The following CDH13 variants were observed in gnomAD, a reference collection of about 807,000 sequenced individuals.
The protein encoded by CDH13 is cadherin-13.
A neutral mutation model predicts 63.8 loss-of-function variants in CDH13; 24 were observed. The observed-to-expected ratio is 0.38, with a 90% CI of 0.27 to 0.53. The LOEUF (loss-of-function observed/expected upper bound fraction) is 0.53. Ranked by LOEUF, CDH13 falls within the 20% of genes least tolerant of loss-of-function variation. CDH13 has a pLI of 0.85. For synonymous variants in CDH13, 503 were observed against 355.3 expected (o/e 1.42, Z -4.67); for missense variants, 1,049 against 903.1 (o/e 1.16, Z -2.07).
In CDH13 at chr16:83,566,099, G is replaced by C. The variant is rs192625311; in HGVS notation, c.961-36355G>C. On this transcript the variant is annotated intron_variant, in intron 7 of 13. Coordinates refer to ENST00000567109, the MANE Select transcript of CDH13 (RefSeq NM_001257.5). ...ACTTGGACTATGGAAGTTGCCACCTGCTCAGATGCCCTGAATGGTATGTTG... is the reference window on the plus strand; with the variant it reads ...ACTTGGACTATGGAAGTTGCCACCTCCTCAGATGCCCTGAATGGTATGTTG... Among the ~76,000 whole-genome samples, 477 of 152,260 alleles carry C rather than the reference G, an allele frequency of 3.1e-3. 4 individuals are homozygous for C. Among genetic ancestry groups the C allele is most frequent in the African/African-American group, 0.011 (455 of 41,558 alleles).
intron 1 of CDH13, among the ~76,000 whole-genome samples, chr16:82,647,793 G>C (rs148435849): frequency 6.6e-6 from 1 of 152,188 alleles, no homozygotes; most frequent in African/African-American, 2.4e-5. Context: ...GGGGTTGGGT[G>C]GTGAGCTGTC....
chr16:83,661,843 G>A (rs1244777994), intron 8 of CDH13, among the ~76,000 whole-genome samples: 1 of 152,200 alleles, frequency 6.6e-6, no homozygotes, highest in African/African-American at 2.4e-5. Context: ...GTGCCCTGAG[G>A]GGAAGAGGGA....
intron 1 of CDH13, among the ~76,000 whole-genome samples, chr16:82,787,056 C>G (rs2036050823): frequency 6.6e-6 from 1 of 152,052 alleles, no homozygotes; most frequent in Admixed American, 6.5e-5. Context: ...GGATAGCTTC[C>G]TAAAGTAACA....
Position 83,419,227 on chromosome 16 carries a change from T to C in CDH13, c.782-67250T>C, listed in dbSNP as rs73598002. On this transcript the variant is annotated intron_variant, in intron 6 of 13. Coordinates refer to ENST00000567109, the MANE Select transcript of CDH13 (RefSeq NM_001257.5). Reference sequence around the variant, plus strand: ...CTGTAACCAGATTTTTGAGTCTACATATAGGTTTACTGAGATGACATTTAC... The same window carrying C: ...CTGTAACCAGATTTTTGAGTCTACACATAGGTTTACTGAGATGACATTTAC... Among the ~76,000 whole-genome samples, 994 of 152,234 alleles carry C rather than the reference T, an allele frequency of 6.5e-3. 13 individuals carry two copies. The highest frequency in any genetic ancestry group is 0.022 in the African/African-American group (919 of 41,534).
At chr16:83,221,441 A>G (rs894150581) in intron 5 of CDH13, among the ~76,000 whole-genome samples, 1 of 152,166 alleles carries the variant, frequency 6.6e-6, no homozygotes, top group African/African-American at 2.4e-5. Flanking sequence ...ATTATTATGC[A>G]TTTTGCCAGC....
intron 3 of CDH13, among the ~76,000 whole-genome samples, chr16:83,116,069 C>T (rs937572992): frequency 6.6e-6 from 1 of 152,204 alleles, no homozygotes; most frequent in African/African-American, 2.4e-5. Context: ...GGCTTTTATG[C>T]CCTTGGCTGG....
chr16:83,038,583 C>T (rs765893279), intron 3 of CDH13, among the ~76,000 whole-genome samples: 2 of 152,140 alleles, frequency 1.3e-5, no homozygotes, highest in Non-Finnish European at 2.9e-5. Flanking sequence ...TGACTTTTCC[C>T]CACCAAATCT....
intron 3 of CDH13, among the ~76,000 whole-genome samples, chr16:83,072,450 C>T (rs2032509081): frequency 6.6e-6 from 1 of 152,112 alleles, no homozygotes; most frequent in South Asian, 2.1e-4. Context: ...TCTAACTCAC[C>T]ATTGGGTACC....
intron 1 of CDH13, among the ~76,000 whole-genome samples, chr16:82,655,929 A>G (rs368828489): frequency 6.6e-6 from 1 of 152,174 alleles, no homozygotes; most frequent in Admixed American, 6.5e-5. Flanking sequence ...GCTATGTGCC[A>G]GGATCTGTAT....
chr16:82,988,981 G>C (rs1455285510), intron 2 of CDH13, among the ~76,000 whole-genome samples: 3 of 152,112 alleles, frequency 2.0e-5, no homozygotes. Context: ...AAAGACCTAA[G>C]TGAGCCCTCT....
At chr16:83,127,523 A>G (rs972167085) in intron 4 of CDH13, among the ~76,000 whole-genome samples, 62 of 152,164 alleles carry the variant, frequency 4.1e-4, no homozygotes, top group African/African-American at 1.4e-3. Context: ...CGAGGTCAGG[A>G]GTTCAAGACC....
chr16:82,923,859 C>T (rs1374616071), intron 2 of CDH13, among the ~76,000 whole-genome samples: 1 of 152,068 alleles, frequency 6.6e-6, no homozygotes, highest in Non-Finnish European at 1.5e-5. Flanking sequence ...AGAGAAAATT[C>T]CTAGGTTGGG....
intron 7 of CDH13, among the ~76,000 whole-genome samples, chr16:83,592,191 C>T (rs1002386316): frequency 1.3e-5 from 2 of 152,226 alleles, no homozygotes; most frequent in Non-Finnish European, 2.9e-5. Context: ...GCCTAGCACA[C>T]AGTAAGTGCT....
At chr16:83,240,874 A>G (rs564342897) in intron 5 of CDH13, among the ~76,000 whole-genome samples, 92 of 152,100 alleles carry the variant, frequency 6.0e-4, no homozygotes, top group African/African-American at 2.1e-3. Context: ...TTAACCATTT[A>G]TAAGTATGCA....
intron 2 of CDH13, among the ~76,000 whole-genome samples, chr16:82,870,275 C>T (rs1483448299): frequency 6.6e-6 from 1 of 152,076 alleles, no homozygotes; most frequent in Non-Finnish European, 1.5e-5. Flanking sequence ...ATATTCTCTC[C>T]CTGCAGTTAA....
intron 1 of CDH13, among the ~76,000 whole-genome samples, chr16:82,648,279 T>G (rs3844414): frequency 1.3e-5 from 2 of 152,096 alleles, no homozygotes; most frequent in African/African-American, 4.8e-5. Context: ...CAGGAAAATA[T>G]GTACAAAATA....
At chr16:83,398,872 T>G (rs972175104) in intron 6 of CDH13, among the ~76,000 whole-genome samples, 1 of 152,240 alleles carries the variant, frequency 6.6e-6, no homozygotes, top group African/African-American at 2.4e-5. Context: ...CTACTAGAAT[T>G]AATTTTAAAG....
chr16:82,784,452 C>T (rs1259953919), intron 1 of CDH13, among the ~76,000 whole-genome samples: 1 of 152,132 alleles, frequency 6.6e-6, no homozygotes, highest in African/African-American at 2.4e-5. Context: ...ACAGCGAATG[C>T]TCTCCCCCAC....
At chr16:83,634,012 C>T (rs981266718) in intron 8 of CDH13, among the ~76,000 whole-genome samples, 1 of 152,162 alleles carries the variant, frequency 6.6e-6, no homozygotes, top group African/African-American at 2.4e-5. Flanking sequence ...TCCGTAGTAA[C>T]ATCGCCTATA....
Sources: gnomAD v4.1 joint callset for allele counts (sites outside exome capture counted in the v4.1 genomes callset) on GRCh38, gnomAD v4.1.1 for gene constraint, MANE v1.5 for transcripts, NCBI Gene and HGNC (gene_info 2026-07-23, HGNC 2026-07-21) for gene names.